Variants in POMT2 observed in about 807,000 individuals in gnomAD.
The protein encoded by POMT2 is protein O-mannosyl-transferase 2.
POMT2 carries 75 observed loss-of-function variants against 100.0 expected under a neutral mutation model. The ratio of observed to expected loss-of-function variants is 0.75; its 90% CI spans 0.62 to 0.91. The LOEUF (loss-of-function observed/expected upper bound fraction) is 0.91. Among genes scored for constraint, POMT2 ranks in the 40% least tolerant of loss-of-function variants. POMT2 has a pLI of 0.00. For synonymous variants in POMT2, 378 were observed against 374.1 expected, an observed-to-expected ratio of 1.01 and a Z score of -0.12; for missense variants, 940 against 955.1, an observed-to-expected ratio of 0.98 and a Z score of 0.21.
Position 77,275,068 on chromosome 14 carries a change from A to G in POMT2, c.*2308T>C, listed in dbSNP as rs1306503783. The G allele has an allele frequency of 6.6e-6, 1 of 152,176 alleles. No individual in the cohort carries two copies. The highest frequency in any genetic ancestry group is 1.5e-5 in the Non-Finnish European group (1 of 68,034). 9.4% of individuals were successfully genotyped at this position (152,176 alleles called of 1,614,324 possible). A position where few individuals can be genotyped will look rare whatever the true frequency, so the allele number is the denominator to read the frequency against. On this transcript the variant is annotated 3_prime_UTR_variant, in exon 21 of 21. Transcript: ENST00000261534. ...CTGGAGGTTGAATTGGCTGACGAAC[A>G]TCTTCTTCCTCCACCAGCAGTTTGT...
intron 4 of POMT2, among the ~76,000 whole-genome samples, chr14:77,304,127 T>C (rs970618410): frequency 2.6e-5 from 4 of 152,200 alleles, no homozygotes; most frequent in African/African-American, 9.7e-5. Flanking sequence ...TAAATTGGTC[T>C]AGACTTCTTT....
chr14:77,279,706 G>T, intron 18 of POMT2, 117 bp downstream of exon 18: 1 of 992,360 alleles, frequency 1.0e-6, no homozygotes. Flanking sequence ...AAGGATAAGG[G>T]AAGGTGTGGG....
chr14:77,287,037 G>A (rs987191719), intron 11 of POMT2: 26 of 965,168 alleles, frequency 2.7e-5, no homozygotes, highest in Non-Finnish European at 3.8e-5. Flanking sequence ...AGAGACAGAT[G>A]GTAGGAGCAC....
At chr14:77,296,945 G>T (rs1890853649) in intron 8 of POMT2, among the ~76,000 whole-genome samples, 1 of 152,194 alleles carries the variant, frequency 6.6e-6, no homozygotes, top group Non-Finnish European at 1.5e-5. Flanking sequence ...CCTGCCTGTG[G>T]CCCTGGAAGA....
In POMT2 at chr14:77,304,802, T is replaced by C; in HGVS notation, c.439-2A>G. 2 of 1,583,716 alleles carry C rather than the reference T, an allele frequency of 1.3e-6. No homozygotes were observed. Among genetic ancestry groups the C allele is most frequent in the South Asian group, 1.2e-5 (1 of 86,288 alleles). ...CCAGGAGCCAAGGAATGCACAGAAC[T>C]GTGGGAGGAATAGAGAAGCTGTCAA... On this transcript the variant is annotated splice_acceptor_variant, in intron 3 of 20. Transcript: ENST00000261534. LOFTEE classifies it high-confidence loss of function.
chr14:77,280,716 A>AGAGGAAG (rs3037029), intron 15 of POMT2, among the ~76,000 whole-genome samples: 4 of 151,750 alleles, frequency 2.6e-5, no homozygotes, highest in African/African-American at 9.7e-5. Flanking sequence ...GAAAGAGGAA[A>AGAGGAAG]TTGTTCCAAT....
chr14:77,280,246 G>T (rs1350266358), intron 16 of POMT2, 146 bp downstream of exon 16: 2 of 1,555,750 alleles, frequency 1.3e-6, no homozygotes, highest in Non-Finnish European at 1.7e-6. Context: ...AATTAGGGCA[G>T]AAAACAGATA....
Position 77,284,306 on chromosome 14 carries a change from A to G in POMT2, c.1577-433T>C, listed in dbSNP as rs544542457. The stretch of plus-strand genomic sequence containing the variant: ...GGGGACCAAGTCTGTCTCCTCGCCA[A>G]TATGTCCACAGGGCCCCATGTGGTT... On this transcript the variant is annotated intron_variant, in intron 14 of 20. Coordinates refer to ENST00000261534, the MANE Select transcript of POMT2 (RefSeq NM_013382.7). The G allele has an allele frequency of 1.1e-3, 308 of 280,370 alleles. 4 individuals carry two copies. The South Asian group carries it at 0.012, about 11-fold the overall frequency. The allele number at this position is 280,370 out of a possible 1,614,324, so 17.4% of individuals were successfully genotyped here.
rs1890045752 is a variant in POMT2, at chr14:77,278,137, C to T, written c.2147+257G>A. 2.1e-4 allele frequency: 106 copies of T among 501,618 alleles called. 1 individual carries two copies. Among genetic ancestry groups the T allele is most frequent in the South Asian group, 2.0e-3 (101 of 50,050 alleles). 31.1% of individuals were successfully genotyped at this position (501,618 alleles called of 1,614,324 possible). The stretch of plus-strand genomic sequence containing the variant: ...CTAGAGGGGTACCCTTCCAGGTGCG[C>T]TGGGATGGCACAAAAGCTGAACCAC... On this transcript the variant is annotated intron_variant, in intron 20 of 20. Coordinates refer to ENST00000261534, the MANE Select transcript of POMT2 (RefSeq NM_013382.7).
intron 20 of POMT2, 97 bp from the exon 21 acceptor site, chr14:77,277,578 C>A: frequency 1.0e-6 from 1 of 999,458 alleles, no homozygotes; most frequent in Middle Eastern, 2.1e-4. Context: ...CAGAGAAATT[C>A]CCCATCGCCA....
intron 2 of POMT2, among the ~76,000 whole-genome samples, chr14:77,307,609 T>C (rs757588609): frequency 6.6e-6 from 1 of 152,202 alleles, no homozygotes; most frequent in Admixed American, 6.5e-5. Context: ...TCCAGACTGC[T>C]TGGCTGGTCT....
chr14:77,281,654 G>A (rs1890239692), intron 15 of POMT2, among the ~76,000 whole-genome samples: 1 of 152,204 alleles, frequency 6.6e-6, no homozygotes, highest in South Asian at 2.1e-4. Flanking sequence ...ACTTAGGCCG[G>A]AGCTTCTCCA....
At chr14:77,288,873 C>T (rs1022079856) in intron 10 of POMT2, 42 bp from the exon 11 acceptor site, 2 of 1,563,646 alleles carry the variant, frequency 1.3e-6, no homozygotes, top group Non-Finnish European at 1.8e-6. Context: ...AATCACTCAC[C>T]AGGCTAGTAT....
chr14:77,285,413 C>G (rs1431975456), intron 13 of POMT2, 68 bp downstream of exon 13: 1 of 1,593,912 alleles, frequency 6.3e-7, no homozygotes, highest in Non-Finnish European at 8.6e-7. Flanking sequence ...AAGCTTCTGG[C>G]ATACTCCTTG....
chr14:77,297,610 T>C (rs1483011346), intron 8 of POMT2, among the ~76,000 whole-genome samples: 1 of 152,210 alleles, frequency 6.6e-6, no homozygotes, highest in East Asian at 1.9e-4. Flanking sequence ...GTCCGCTGTA[T>C]TTTAGGCACT....
chr14:77,300,946 T>C, intron 6 of POMT2, 144 bp downstream of exon 6: 1 of 1,492,746 alleles, frequency 6.7e-7, no homozygotes, highest in Non-Finnish European at 9.3e-7. Context: ...TCCTGCTGTC[T>C]GCGGAGGTTG....
At chr14:77,312,935 A>G (rs556782338) in intron 1 of POMT2, among the ~76,000 whole-genome samples, 23 of 152,366 alleles carry the variant, frequency 1.5e-4, no homozygotes, top group African/African-American at 5.1e-4. Context: ...TTACTAAATT[A>G]AGACCACATC....
chr14:77,313,187 G>A (rs1891500597), intron 1 of POMT2, among the ~76,000 whole-genome samples: 1 of 152,190 alleles, frequency 6.6e-6, no homozygotes. Context: ...CCCAGGTCAT[G>A]AGCAGTCATT....
chr14:77,278,372 T>C (rs1240134561), intron 20 of POMT2, 22 bp downstream of exon 20: 3 of 1,448,238 alleles, frequency 2.1e-6, no homozygotes, highest in Non-Finnish European at 2.8e-6. Context: ...TGGGAGGGCA[T>C]GTGAGGTGCA....
Sources: gnomAD v4.1 joint callset for allele counts (sites outside exome capture counted in the v4.1 genomes callset) on GRCh38, gnomAD v4.1.1 for gene constraint, MANE v1.5 for transcripts, NCBI Gene and HGNC (gene_info 2026-07-23, HGNC 2026-07-21) for gene names.